Variants in ART3 observed in about 807,000 individuals in gnomAD.
ART3 encodes the protein ecto-ADP-ribosyltransferase 3.
A neutral mutation model predicts 48.5 loss-of-function variants in ART3; 49 were observed. That is an observed-to-expected ratio of 1.01 (90% CI 0.80 to 1.28). The LOEUF is 1.28. Among genes scored for constraint, ART3 ranks in the 50% most tolerant of loss-of-function variants. The pLI is 0.00. For synonymous variants in ART3, 145 were observed against 157.2 expected, an observed-to-expected ratio of 0.92 and a Z score of 0.58; for missense variants, 438 against 454.3, an observed-to-expected ratio of 0.96 and a Z score of 0.33.
intron 1 of ART3, among the ~76,000 whole-genome samples, chr4:76,054,780 G>A (rs2149465911): frequency 6.6e-6 from 1 of 152,274 alleles, no homozygotes; most frequent in East Asian, 1.9e-4. Flanking sequence ...GTTGCAATGA[G>A]CTATGATCAT....
At chr4:76,012,724 C>T (rs1731915017) in intron 1 of ART3, among the ~76,000 whole-genome samples, 1 of 152,100 alleles carries the variant, frequency 6.6e-6, no homozygotes, top group Non-Finnish European at 1.5e-5. Flanking sequence ...ACAATAGCAA[C>T]ATTTTTGCTT....
At chr4:76,089,396 C>G (rs551434981) in intron 3 of ART3, among the ~76,000 whole-genome samples, 2 of 151,634 alleles carry the variant, frequency 1.3e-5, no homozygotes, top group South Asian at 4.1e-4. Context: ...TAGCACCGTC[C>G]CCTTTGTGCT....
rs373323505 is a variant in ART3 at position 76,040,444 on chromosome 4, A to ACACACACGCACG, written c.-10+29131_-10+29132insGCACGCACACAC. ...ATACGCACATACACTGGATACACAC[A>ACACACACGCACG]CACACACACACACACACACACACAC... On this transcript the variant is annotated intron_variant, in intron 1 of 9. Transcript: ENST00000341029. Among the ~76,000 whole-genome samples the ACACACACGCACG allele has an allele frequency of 9.3e-5, 12 of 128,930 alleles. No individual in the cohort carries two copies. In the East Asian group the frequency reaches 2.0e-3, roughly 22 times the overall value. The allele number at this position is 128,930 out of a possible 152,430, so 84.6% of individuals were successfully genotyped here. A position where few individuals can be genotyped will look rare whatever the true frequency, so the allele number is the denominator to read the frequency against.
chr4:76,035,552 G>T (rs376190750), intron 1 of ART3, among the ~76,000 whole-genome samples: 1 of 152,218 alleles, frequency 6.6e-6, no homozygotes, highest in Non-Finnish European at 1.5e-5. Context: ...TAACAAATGG[G>T]AAGCATGAAG....
chr4:76,102,291 T>G (rs1364318973), intron 8 of ART3, among the ~76,000 whole-genome samples: 1 of 152,184 alleles, frequency 6.6e-6, no homozygotes, highest in African/African-American at 2.4e-5. Flanking sequence ...ATTGAAGATT[T>G]TAAAATGGCC....
In ART3 at chr4:76,076,543, T is replaced by C. The variant is rs556064933; in HGVS notation, c.69+585T>C. Among the ~76,000 whole-genome samples the C allele has an allele frequency of 1.1e-3, 162 of 152,342 alleles. 1 individual carries two copies. The highest frequency in any genetic ancestry group is 1.1e-3 in the Non-Finnish European group (75 of 68,024). On this transcript the variant is annotated intron_variant, in intron 2 of 11. Coordinates refer to ENST00000355810, the MANE Select transcript of ART3 (RefSeq NM_001130016.3). ...CAACCTGTTGGTGTATACAGGCTTC[T>C]TGGCTTTTTTCTATGTGTATACTGT...
At chr4:76,069,198 G>A (rs1171551617) in intron 1 of ART3, among the ~76,000 whole-genome samples, 1 of 152,042 alleles carries the variant, frequency 6.6e-6, no homozygotes, top group Non-Finnish European at 1.5e-5. Context: ...TGACTACAAA[G>A]GACATGTGGT....
chr4:76,096,408 A>T (rs541178509), intron 3 of ART3, among the ~76,000 whole-genome samples: 30 of 152,310 alleles, frequency 2.0e-4, no homozygotes, highest in Admixed American at 9.8e-4. Flanking sequence ...AGGACTTGAG[A>T]GCAGATTATA....
intron 2 of ART3, among the ~76,000 whole-genome samples, chr4:76,081,417 A>G (rs919434488): frequency 6.6e-5 from 10 of 152,252 alleles, no homozygotes; most frequent in African/African-American, 2.4e-4. Flanking sequence ...TATGTGTTAT[A>G]GATCATGAAT....
chr4:76,046,386 T>C (rs1464517245), intron 1 of ART3, among the ~76,000 whole-genome samples: 1 of 152,072 alleles, frequency 6.6e-6, no homozygotes, highest in Non-Finnish European at 1.5e-5. Context: ...TTAATGAGTC[T>C]AAGATCTTGC....
chr4:76,061,185 A>G (rs1022895477), intron 1 of ART3, among the ~76,000 whole-genome samples: 3 of 152,226 alleles, frequency 2.0e-5, no homozygotes, highest in Non-Finnish European at 2.9e-5. Context: ...TCTCTACAGT[A>G]TCTGGCTGGA....
chr4:76,016,671 C>T (rs1349283469), intron 1 of ART3, among the ~76,000 whole-genome samples: 2 of 152,194 alleles, frequency 1.3e-5, no homozygotes, highest in African/African-American at 4.8e-5. Flanking sequence ...AGCAAGTTTT[C>T]CCAGGCACCA....
At chr4:76,028,319 A>G (rs1283574803) in intron 1 of ART3, among the ~76,000 whole-genome samples, 1 of 152,256 alleles carries the variant, frequency 6.6e-6, no homozygotes, top group South Asian at 2.1e-4. Flanking sequence ...CGTTTATGGT[A>G]TAATCACGTT....
chr4:76,015,248 A>G (rs1023638237), intron 1 of ART3, among the ~76,000 whole-genome samples: 1 of 152,214 alleles, frequency 6.6e-6, no homozygotes, highest in African/African-American at 2.4e-5. Context: ...ATGAGCACAC[A>G]GTGCTGTAAT....
intron 1 of ART3, chr4:76,021,860 G>A: frequency 7.1e-7 from 1 of 1,416,576 alleles, no homozygotes; most frequent in Non-Finnish European, 1.0e-6. Flanking sequence ...ATGTAGGGAA[G>A]TGATGGGAGA....
At chr4:76,013,377 A>G (rs1013211272) in intron 1 of ART3, among the ~76,000 whole-genome samples, 1 of 152,266 alleles carries the variant, frequency 6.6e-6, no homozygotes, top group African/African-American at 2.4e-5. Context: ...GTGAATCTCT[A>G]TGTGGGGAGG....
intron 1 of ART3, among the ~76,000 whole-genome samples, chr4:76,059,497 C>G (rs990619812): frequency 3.8e-4 from 56 of 147,216 alleles, no homozygotes; most frequent in African/African-American, 1.3e-3. Flanking sequence ...AAGTTTATTT[C>G]TTGGTCTTGC....
chr4:76,029,760 T>C (rs1184359626), intron 1 of ART3, among the ~76,000 whole-genome samples: 2 of 152,202 alleles, frequency 1.3e-5, no homozygotes, highest in African/African-American at 4.8e-5. Flanking sequence ...TCTTTCCTTT[T>C]CTAATAGCAT....
chr4:76,088,417 G>A (rs111702193), intron 3 of ART3, among the ~76,000 whole-genome samples: 8 of 152,072 alleles, frequency 5.3e-5, no homozygotes, highest in African/African-American at 1.9e-4. Flanking sequence ...GGAGGAGCCT[G>A]TAGACTCCAG....
Sources: allele counts gnomAD v4.1 joint callset (sites outside exome capture counted in the v4.1 genomes callset), GRCh38; gene constraint gnomAD v4.1.1; transcripts MANE v1.5; gene names NCBI Gene and HGNC (gene_info 2026-07-23, HGNC 2026-07-21).